CERS1: variants seen among roughly 807,000 people sequenced by gnomAD.
CERS1 encodes ceramide synthase 1.
In CERS1, 16 loss-of-function variants were observed where a neutral mutation model predicts 35.7. The ratio of observed to expected loss-of-function variants is 0.45; its 90% CI spans 0.30 to 0.68. The LOEUF is 0.68. Ranked by LOEUF, CERS1 falls within the 30% of genes least tolerant of loss-of-function variation. CERS1 has a pLI of 0.08. For missense variants in CERS1, 454 were observed against 453.9 expected (o/e 1.00, Z 0.00); for synonymous variants, 243 against 201.6 (o/e 1.21, Z -1.74).
At chr19:18,884,968 G>A (rs531559646) in intron 2 of CERS1, among the ~76,000 whole-genome samples, 107 of 151,726 alleles carry the variant, frequency 7.1e-4, no homozygotes, top group Middle Eastern at 6.8e-3. Flanking sequence ...CACCTGCCTC[G>A]GCCTCCCAAA....
In CERS1 at chr19:18,877,756, CA is replaced by C. The variant is rs386388683; in HGVS notation, c.1010+1173del. On this transcript the variant is annotated intron_variant, in intron 6 of 7. Transcript: ENST00000623882. ...TGGACGACAGAGTGAGACCCTGTCT[CA>C]AAAAAAAAAAAAAAAAAGAATTCTT... Among the ~76,000 whole-genome samples, 209 of 103,966 alleles carry C rather than the reference CA, an allele frequency of 2.0e-3. 3 individuals are homozygous for C. The East Asian group carries it at 0.022, about 11-fold the overall frequency. 68.2% of individuals were successfully genotyped at this position (103,966 alleles called of 152,430 possible). A position where few individuals can be genotyped will look rare whatever the true frequency, so the allele number is the denominator to read the frequency against.
chr19:18,885,510 C>CTTTT (rs1568302620), intron 2 of CERS1, among the ~76,000 whole-genome samples: 1 of 29,506 alleles, frequency 3.4e-5, no homozygotes, highest in African/African-American at 1.1e-4. Context: ...CGCCCCTTCT[C>CTTTT]GTTTTTTTTT....
At chr19:18,883,985 T>C (rs2056282029) in intron 3 of CERS1, 102 bp downstream of exon 3, 1 of 1,285,682 alleles carries the variant, frequency 7.8e-7, no homozygotes, top group Non-Finnish European at 1.1e-6. Context: ...TCCGACCTGA[T>C]GTGATCCCCT....
chr19:18,892,415 C>G (rs1406898902), intron 2 of CERS1, among the ~76,000 whole-genome samples: 2 of 151,836 alleles, frequency 1.3e-5, no homozygotes, highest in East Asian at 2.0e-4. Flanking sequence ...GAGATTGAGA[C>G]CATCCTGGCT....
In CERS1 at chr19:18,878,885, G is replaced by T; in HGVS notation, c.1010+45C>A. 6.2e-7 allele frequency: 1 copy of T among 1,602,964 alleles called. No homozygotes were observed. The highest frequency in any genetic ancestry group is 1.1e-5 in the South Asian group (1 of 89,776). ...TGCCCACGAACACGCTTGGACGGGTGACACTAAAGGAGGGAACGCGGGGTG... is the reference window on the plus strand; with the variant it reads ...TGCCCACGAACACGCTTGGACGGGTTACACTAAAGGAGGGAACGCGGGGTG... On this transcript the variant is annotated intron_variant, in intron 6 of 7. Coordinates refer to ENST00000623882, the MANE Select transcript of CERS1 (RefSeq NM_021267.5). The surrounding 1 kb of genome is among the most constrained non-coding windows in gnomAD (Gnocchi z 4.6).
chr19:18,878,541 C>T lies in CERS1; in HGVS notation c.1010+389G>A. The T allele has an allele frequency of 9.7e-7, 1 of 1,032,756 alleles. No individual in the cohort carries two copies. Among genetic ancestry groups the T allele is most frequent in the Non-Finnish European group, 1.2e-6 (1 of 857,678 alleles). 64.0% of individuals were successfully genotyped at this position (1,032,756 alleles called of 1,614,324 possible). A position where few individuals can be genotyped will look rare whatever the true frequency, so the allele number is the denominator to read the frequency against. ...CTTGGCGTTCCTTCCTCCCCAGCCC[C>T]ACTGCCACCAGCTCCAGTGGCGACA... is the stretch of plus-strand genomic sequence containing the variant. On this transcript the variant is annotated intron_variant, in intron 6 of 7. Coordinates refer to ENST00000623882, the MANE Select transcript of CERS1 (RefSeq NM_021267.5). The surrounding 1 kb of genome is among the most constrained non-coding windows in gnomAD (Gnocchi z 4.6).
At chr19:18,889,358 G>A (rs747461978) in intron 2 of CERS1, among the ~76,000 whole-genome samples, 3 of 152,066 alleles carry the variant, frequency 2.0e-5, no homozygotes, top group Non-Finnish European at 2.9e-5. Context: ...CAACCGTCCT[G>A]TAGCTCCTTC....
chr19:18,880,418 A>G lies in CERS1; in HGVS notation c.608T>C (p.Ile203Thr), dbSNP rs1314252199. 2 of 1,589,224 alleles carry G rather than the reference A, an allele frequency of 1.3e-6. No homozygotes were observed. The highest frequency in any genetic ancestry group is 4.5e-5 in the East Asian group (2 of 43,978). The change falls in exon 4 of 8, where the codon ATC (isoleucine) becomes ACC (threonine). Residue 203 changes from isoleucine (I) to threonine (T), a missense_variant. Coordinates refer to ENST00000623882, the MANE Select transcript of CERS1 (RefSeq NM_021267.5). ...SYAFRYHNVG[I>T]LVLFLHDISD... is the part of the protein sequence containing the mutation. ...GATATCGTGCAGGAAGAGCACAAGG[A>G]TGCCCACATTGTGGTACCTGGGGGA...
rs1201058147 is a variant in CERS1, at chr19:18,878,176, G to A, written c.1010+754C>T. On this transcript the variant is annotated intron_variant, in intron 6 of 7. Coordinates refer to ENST00000623882, the MANE Select transcript of CERS1 (RefSeq NM_021267.5). The surrounding 1 kb of genome is among the most constrained non-coding windows in gnomAD (Gnocchi z 4.6). ...GCCTGGCTGGTCGGCACCTTCCAGGGCCTTCCACAACCTCCTGCCCCGGCT... is the reference window on the plus strand; with the variant it reads ...GCCTGGCTGGTCGGCACCTTCCAGGACCTTCCACAACCTCCTGCCCCGGCT... 2.0e-6 allele frequency: 2 copies of A among 985,436 alleles called. No individual in the cohort carries two copies. The highest frequency in any genetic ancestry group is 1.7e-5 in the African/African-American group (1 of 57,172). The allele number at this position is 985,436 out of a possible 1,614,324, so 61.0% of individuals were successfully genotyped here.
In CERS1 at chr19:18,870,093, T is replaced by TG. The variant is rs746201664; in HGVS notation, c.*483dup. 7.6e-6 allele frequency: 12 copies of TG among 1,574,536 alleles called. No homozygotes were observed. The highest frequency in any genetic ancestry group is 1.0e-5 in the Non-Finnish European group (12 of 1,164,624). On this transcript the variant is annotated 3_prime_UTR_variant, in exon 7 of 8. Transcript: ENST00000623882. The surrounding 1 kb of genome is among the most constrained non-coding windows in gnomAD (Gnocchi z 5.1). ...CCGCCGCGAGCCAGACCTGGTCTCC[T>TG]GGGGGTCCCGGCGTCGAAACAGGCG... is the stretch of plus-strand genomic sequence containing the variant.
chr19:18,888,892 T>TC (rs1555706342), intron 2 of CERS1, among the ~76,000 whole-genome samples: 4 of 145,694 alleles, frequency 2.7e-5, no homozygotes, highest in African/African-American at 5.1e-5. Flanking sequence ...TTTCTTTCTT[T>TC]TTTTTTTTTT....
intron 4 of CERS1, among the ~76,000 whole-genome samples, chr19:18,879,895 T>A (rs553275757): frequency 6.6e-6 from 1 of 150,450 alleles, no homozygotes; most frequent in Admixed American, 6.6e-5. Flanking sequence ...CCCTACCTCT[T>A]TCTCTGCCTA....
At chr19:18,882,827 G>C (rs1327814044) in intron 3 of CERS1, among the ~76,000 whole-genome samples, 1 of 151,744 alleles carries the variant, frequency 6.6e-6, no homozygotes, top group African/African-American at 2.4e-5. Flanking sequence ...TGAGTAGCTG[G>C]GACTACAGGC....
chr19:18,888,254 G>C (rs1299479528), intron 2 of CERS1, among the ~76,000 whole-genome samples: 1 of 152,058 alleles, frequency 6.6e-6, no homozygotes, highest in African/African-American at 2.4e-5. Context: ...AGCTATTCGG[G>C]AGGCTGAGGC....
Position 18,873,841 on chromosome 19 carries a change from GA to G in CERS1, c.1011-3223del, listed in dbSNP as rs35266368. ...GGGTGACAGAGCGAGACTCTGTCTC[GA>G]AAAAAAAAAAAAAAGAAGAAGAAGG... On this transcript the variant is annotated intron_variant, in intron 6 of 7. Transcript: ENST00000623882. Among the ~76,000 whole-genome samples the G allele has an allele frequency of 9.3e-3, 1,085 of 116,788 alleles. 3 individuals carry two copies. Among genetic ancestry groups the G allele is most frequent in the African/African-American group, 0.028 (905 of 31,860 alleles). 76.6% of individuals were successfully genotyped at this position (116,788 alleles called of 152,430 possible).
At chr19:18,885,770 C>T (rs181709200) in intron 2 of CERS1, among the ~76,000 whole-genome samples, 2,258 of 150,766 alleles carry the variant, frequency 0.015, 52 homozygotes, top group African/African-American at 0.051. Context: ...CCGCCCGCCT[C>T]GGCCTCCCAA....
Position 18,878,022 on chromosome 19 carries a change from GC to G in CERS1, c.1010+907del. On this transcript the variant is annotated intron_variant, in intron 6 of 7. Transcript: ENST00000623882. This position sits in a 1 kb window ranked among gnomAD's most constrained non-coding sequence, Gnocchi z 4.6. ...TCTGACGCTCCTCTGCCTGGCTACA[GC>G]CCCGGATGTGTTAAATGTCTGCATC... The G allele has an allele frequency of 3.0e-6, 3 of 985,450 alleles. No homozygotes were observed. The highest frequency in any genetic ancestry group is 3.6e-6 in the Non-Finnish European group (3 of 829,962). 61.0% of individuals were successfully genotyped at this position (985,450 alleles called of 1,614,324 possible). A position where few individuals can be genotyped will look rare whatever the true frequency, so the allele number is the denominator to read the frequency against.
At chr19:18,871,667 C>T (rs186652782) in intron 6 of CERS1, among the ~76,000 whole-genome samples, 2 of 152,190 alleles carry the variant, frequency 1.3e-5, no homozygotes, top group South Asian at 2.1e-4. Flanking sequence ...CACTTTAATT[C>T]GCTCTTCTCT....
At chr19:18,884,028 A>G in intron 3 of CERS1, 59 bp downstream of exon 3, 5 of 1,542,478 alleles carry the variant, frequency 3.2e-6, no homozygotes, top group Non-Finnish European at 4.4e-6. Context: ...CCGCAACATC[A>G]GCCTCCGCAC....
Sources: gnomAD v4.1 joint callset for allele counts (sites outside exome capture counted in the v4.1 genomes callset) on GRCh38, gnomAD v4.1.1 for gene constraint, Gnocchi (gnomAD v3.1) non-coding constraint, MANE v1.5 for transcripts, NCBI Gene and HGNC (gene_info 2026-07-23, HGNC 2026-07-21) for gene names.